HERC1: variants seen among roughly 807,000 people sequenced by gnomAD.
HERC1 encodes the protein probable E3 ubiquitin-protein ligase HERC1.
In HERC1, 160 loss-of-function variants were observed where a neutral mutation model predicts 554.3. The ratio of observed to expected loss-of-function variants is 0.29; its 90% confidence interval spans 0.25 to 0.33. The LOEUF (loss-of-function observed/expected upper bound fraction) is 0.33. HERC1 is among the 10% of genes least tolerant of loss of function. HERC1 has a pLI of 1.00. For missense variants in HERC1, 4,919 were observed against 5,918.5 expected, an observed-to-expected ratio of 0.83 and a Z score of 5.54; for synonymous variants, 2,175 against 2,131.7, an observed-to-expected ratio of 1.02 and a Z score of -0.56.
intron 1 of HERC1, among the ~76,000 whole-genome samples, chr15:63,827,756 C>T (rs897488432): frequency 1.3e-5 from 2 of 152,120 alleles, no homozygotes; most frequent in African/African-American, 4.8e-5. Context: ...CCTCAACTGA[C>T]GCATGAACAA....
At position 63,679,844 on chromosome 15, in the gene HERC1, G is replaced by A. The variant is rs1444549806; in HGVS notation, c.6549+233C>T. Among the ~76,000 whole-genome samples, 4 of 152,152 alleles carry A rather than the reference G, an allele frequency of 2.6e-5. No homozygotes were observed. In the East Asian group the frequency reaches 7.7e-4, roughly 29 times the overall value. On this transcript the variant is annotated intron_variant, in intron 36 of 77. Transcript: ENST00000443617. ...ACTAGGTCTTGTAGTTCTTGTGACT[G>A]CACGTTTGAAAGTTGACTCACTGTA...
rs758237813 is a variant in HERC1, at chr15:63,775,130, C to G, written c.494G>C (p.Gly165Ala). The G allele has an allele frequency of 6.2e-7, 1 of 1,613,990 alleles. No homozygotes were observed. The highest frequency in any genetic ancestry group is 1.1e-5 in the South Asian group (1 of 91,078). ...TAGAAGCGCAAATAATAAACTTAGA[C>G]CAGTTCGAACACCCATTTCTATAAG... ...DALIEMGVRT[G>A]LSLLFALLRQ... The change falls in exon 2 of 78, where the codon GGT (glycine) becomes GCT (alanine). Residue 165 changes from glycine (G) to alanine (A), a missense_variant. This residue lies in a region of HERC1 where 744 missense variants were observed against 1,090.0 expected (regional missense o/e 0.68). Transcript: ENST00000443617. This position sits in a 1 kb window ranked among gnomAD's most constrained non-coding sequence, Gnocchi z 4.0.
rs1011694177 is a variant in HERC1, at chr15:63,680,933, G to C, written c.6226-157C>G. Among the ~76,000 whole-genome samples the C allele has an allele frequency of 6.6e-6, 1 of 152,006 alleles. No individual in the cohort carries two copies. The highest frequency in any genetic ancestry group is 1.5e-5 in the Non-Finnish European group (1 of 68,010). ...AAATAAAAATAACACGAAAATAATC[G>C]CATCAATTTAGAAAGATTTTAAAAC... On this transcript the variant is annotated intron_variant, in intron 34 of 77. Transcript: ENST00000443617. This position sits in a 1 kb window ranked among gnomAD's most constrained non-coding sequence, Gnocchi z 5.8.
chr15:63,789,090 T>G (rs1212771073), intron 1 of HERC1, among the ~76,000 whole-genome samples: 1,443 of 117,442 alleles, frequency 0.012, 54 homozygotes, highest in African/African-American at 0.045. Flanking sequence ...TTTTTTTTTT[T>G]TTTTTTTTTT....
intron 1 of HERC1, among the ~76,000 whole-genome samples, chr15:63,788,633 G>C (rs1479205337): frequency 6.6e-6 from 1 of 152,084 alleles, no homozygotes; most frequent in Non-Finnish European, 1.5e-5. Flanking sequence ...AAAAATATTA[G>C]CAGCTGGGCA....
intron 1 of HERC1, among the ~76,000 whole-genome samples, chr15:63,827,911 T>A (rs753966781): frequency 5.9e-5 from 9 of 152,120 alleles, no homozygotes; most frequent in Non-Finnish European, 1.0e-4. Flanking sequence ...ATATGATCCA[T>A]TAACACAAAA....
Position 63,669,683 on chromosome 15 carries a change from A to G in HERC1, c.8061T>C (p.Ser2687=). 6.2e-7 allele frequency: 1 copy of G among 1,613,652 alleles called. No individual in the cohort carries two copies. Among genetic ancestry groups the G allele is most frequent in the Non-Finnish European group, 8.5e-7 (1 of 1,179,598 alleles). The change falls in exon 40 of 78, where the codon AGT becomes AGC. Residue 2687 remains serine, a synonymous_variant. Coordinates refer to ENST00000443617, the MANE Select transcript of HERC1 (RefSeq NM_003922.4). The part of the protein sequence containing the change: ...PLSLLRQMFS[S]YPTTTVLPTR... ...TGGGAAGTACAGTGGTAGTTGGGTA[A>G]CTAGAGAACATTTGCCTTTAAGAAA...
At chr15:63,616,748 C>T in intron 74 of HERC1, 66 bp from the exon 75 acceptor site, 1 of 1,435,616 alleles carries the variant, frequency 7.0e-7, no homozygotes, top group Non-Finnish European at 9.7e-7. Context: ...AAGTTAGCAA[C>T]AACAGCTATA....
rs2068202622 is a variant in HERC1, at chr15:63,624,158, C to T, written c.13445G>A (p.Arg4482Lys). 1 of 1,607,146 alleles carries T rather than the reference C, an allele frequency of 6.2e-7. No homozygotes were observed. The highest frequency in any genetic ancestry group is 1.3e-5 in the African/African-American group (1 of 74,592). Residue 4482 changes from arginine (R) to lysine (K), a missense_variant and splice_region_variant, in exon 72 of 78, where the codon AGA becomes AAA. By Grantham distance (26) the Arg-to-Lys change is conservative. Transcript: ENST00000443617. ...PQITVKRIST[R>K]GRKCKPIFVQ... is the part of the protein sequence containing the mutation. ...GTCAAACACACATACATATGCTAAC[C>T]TGGTTGATATCCTCTTTACAGTTAT...
chr15:63,652,148 A>C (rs895959246), intron 52 of HERC1, among the ~76,000 whole-genome samples: 1 of 152,222 alleles, frequency 6.6e-6, no homozygotes, highest in African/African-American at 2.4e-5. Context: ...CCTATAGCAA[A>C]TTAGCCTACT....
intron 70 of HERC1, among the ~76,000 whole-genome samples, chr15:63,626,449 G>A (rs775733165): frequency 6.6e-6 from 1 of 152,134 alleles, no homozygotes; most frequent in South Asian, 2.1e-4. Context: ...TAGAACTTAG[G>A]CAGTTCTTTC....
chr15:63,652,302 A>C, intron 52 of HERC1, 112 bp downstream of exon 52: 1 of 944,006 alleles, frequency 1.1e-6, no homozygotes, highest in Non-Finnish European at 1.5e-6. Flanking sequence ...ACTAATCTAA[A>C]AGAAAATTTC....
intron 1 of HERC1, among the ~76,000 whole-genome samples, chr15:63,783,991 G>A (rs1184951509): frequency 2.0e-5 from 3 of 151,694 alleles, no homozygotes; most frequent in Non-Finnish European, 4.4e-5. Flanking sequence ...GCTTGAACCC[G>A]GGAGGCAGAG....
Position 63,808,099 on chromosome 15 carries a change from A to G in HERC1, c.-27+25728T>C, listed in dbSNP as rs532837021. 1.2e-3 allele frequency among the ~76,000 whole-genome samples: 171 copies of G among 146,388 alleles called. 1 individual carries two copies. Among genetic ancestry groups the G allele is most frequent in the African/African-American group, 4.3e-3 (169 of 39,072 alleles). The stretch of plus-strand genomic sequence containing the variant: ...TTGTATTCCTTTATGGAAGTTTAGC[A>G]TAACATTATAGTAATTCTAGTTGAC... On this transcript the variant is annotated intron_variant, in intron 1 of 77. Coordinates refer to ENST00000443617, the MANE Select transcript of HERC1 (RefSeq NM_003922.4).
In HERC1 at chr15:63,727,939, C is replaced by T. The variant is rs2074104373; in HGVS notation, c.3155-101G>A. The T allele has an allele frequency of 2.3e-6, 2 of 852,282 alleles. No homozygotes were observed. The highest frequency in any genetic ancestry group is 3.6e-5 in the South Asian group (2 of 55,370). 52.8% of individuals were successfully genotyped at this position (852,282 alleles called of 1,614,324 possible). A position where few individuals can be genotyped will look rare whatever the true frequency, so the allele number is the denominator to read the frequency against. On this transcript the variant is annotated intron_variant, in intron 16 of 77. Coordinates refer to ENST00000443617, the MANE Select transcript of HERC1 (RefSeq NM_003922.4). This position sits in a 1 kb window ranked among gnomAD's most constrained non-coding sequence, Gnocchi z 4.3. ...TTTTAGCTTGGAACTAGAGTAGACTCATTCAACAACTCTCTGTTGAACACC... is the reference window on the plus strand; with the variant it reads ...TTTTAGCTTGGAACTAGAGTAGACTTATTCAACAACTCTCTGTTGAACACC...
intron 1 of HERC1, among the ~76,000 whole-genome samples, chr15:63,824,785 T>A (rs1303597527): frequency 2.6e-5 from 4 of 151,514 alleles, no homozygotes; most frequent in Non-Finnish European, 5.9e-5. Context: ...ATCCTGCCAT[T>A]TACAACAAAA....
chr15:63,822,591 A>C (rs1416917537), intron 1 of HERC1, among the ~76,000 whole-genome samples: 1 of 152,028 alleles, frequency 6.6e-6, no homozygotes, highest in Non-Finnish European at 1.5e-5. Flanking sequence ...GTCTCAAAAA[A>C]AAAAAAATTT....
chr15:63,774,605 C>A, intron 2 of HERC1, 89 bp downstream of exon 2: 2 of 937,124 alleles, frequency 2.1e-6, no homozygotes, highest in Non-Finnish European at 3.2e-6. Context: ...AGTCTCAAAT[C>A]ATTCACTATT....
At chr15:63,751,121 T>C (rs1465748348) in intron 8 of HERC1, among the ~76,000 whole-genome samples, 1 of 152,140 alleles carries the variant, frequency 6.6e-6, no homozygotes, top group Non-Finnish European at 1.5e-5. Context: ...ACTCATGAGG[T>C]ATCATATACA....
Sources: allele counts gnomAD v4.1 joint callset (sites outside exome capture counted in the v4.1 genomes callset), GRCh38; gene constraint gnomAD v4.1.1; regional missense constraint gnomAD v4.1.1; non-coding constraint Gnocchi (gnomAD v3.1); transcripts MANE v1.5; gene names NCBI Gene and HGNC (gene_info 2026-07-23, HGNC 2026-07-21).